PPP1R9A: variants seen among roughly 807,000 people sequenced by gnomAD.
The protein encoded by PPP1R9A is protein phosphatase 1 regulatory subunit 9A, also known as neurabin-1.
A neutral mutation model predicts 141.9 loss-of-function variants in PPP1R9A; 59 were observed. That is an observed-to-expected ratio of 0.42 (90% CI 0.34 to 0.52). The LOEUF (loss-of-function observed/expected upper bound fraction) is 0.52, where lower values mean the gene tolerates loss of function less well. PPP1R9A is among the 20% of genes least tolerant of loss of function. The pLI is 0.10. For missense variants in PPP1R9A, 1,444 were observed against 1,611.9 expected (o/e 0.90, Z 1.78); for synonymous variants, 500 against 569.7 (o/e 0.88, Z 1.74).
chr7:94,956,635 G>C (rs1274475943), intron 2 of PPP1R9A, among the ~76,000 whole-genome samples: 1 of 152,082 alleles, frequency 6.6e-6, no homozygotes, highest in African/African-American at 2.4e-5. Context: ...GCTGGCTTAG[G>C]AGTTGAAGGC....
At chr7:95,192,926 A>G (rs1025532028) in intron 5 of PPP1R9A, among the ~76,000 whole-genome samples, 5 of 152,152 alleles carry the variant, frequency 3.3e-5, no homozygotes, top group African/African-American at 1.2e-4. Context: ...ACACTTAAGA[A>G]CGTATAGGAA....
chr7:95,268,238 CATGCAT>C, intron 12 of PPP1R9A, among the ~76,000 whole-genome samples: 1 of 152,246 alleles, frequency 6.6e-6, no homozygotes, highest in Middle Eastern at 3.4e-3. Flanking sequence ...AACTTCCCAA[CATGCAT>C]ACACATAAAT....
Position 95,286,278 on chromosome 7 carries a change from C to A in PPP1R9A, c.3682C>A (p.Pro1228Thr), listed in dbSNP as rs776058076. 5.0e-6 allele frequency: 8 copies of A among 1,613,698 alleles called. No homozygotes were observed. The highest frequency in any genetic ancestry group is 5.9e-6 in the Non-Finnish European group (7 of 1,179,718). The change falls in exon 18 of 20, where the codon CCT becomes ACT. Residue 1228 changes from proline (P) to threonine (T), a missense_variant. This residue lies in a region of PPP1R9A where 459 missense variants were observed against 513.8 expected (regional missense o/e 0.89). Coordinates refer to ENST00000433360, the MANE Select transcript of PPP1R9A (RefSeq NM_001166160.2). ...SADLSGLGAE[P>T]KTPGLSQSLA... Reference sequence around the variant, plus strand: ...AGACCTCAGCGGCTTAGGAGCAGAACCTAAAACACCAGGGCTCTCTCAGTC... The same window carrying A: ...AGACCTCAGCGGCTTAGGAGCAGAAACTAAAACACCAGGGCTCTCTCAGTC...
chr7:95,194,418 TA>T (rs1835934809), intron 5 of PPP1R9A, among the ~76,000 whole-genome samples: 1 of 152,078 alleles, frequency 6.6e-6, no homozygotes, highest in Non-Finnish European at 1.5e-5. Flanking sequence ...TGAGGATGTC[TA>T]CTCTTACCCC....
At chr7:95,102,136 T>C (rs2152404778) in intron 2 of PPP1R9A, among the ~76,000 whole-genome samples, 1 of 152,260 alleles carries the variant, frequency 6.6e-6, no homozygotes, top group African/African-American at 2.4e-5. Context: ...GATTTAGATA[T>C]GAGAATGAAA....
chr7:95,131,892 A>G (rs1824704472), intron 4 of PPP1R9A, among the ~76,000 whole-genome samples: 1 of 152,102 alleles, frequency 6.6e-6, no homozygotes, highest in African/African-American at 2.4e-5. Flanking sequence ...TTCTTCTTAT[A>G]GATATCTTTC....
intron 9 of PPP1R9A, among the ~76,000 whole-genome samples, chr7:95,249,807 A>G (rs1323891159): frequency 6.6e-6 from 1 of 152,186 alleles, no homozygotes; most frequent in Non-Finnish European, 1.5e-5. Flanking sequence ...ATGTTTTATC[A>G]CTTATCAAAT....
In PPP1R9A at chr7:95,161,874, G is replaced by A; in HGVS notation, c.1657G>A (p.Val553Ile). The A allele has an allele frequency of 6.2e-7, 1 of 1,606,222 alleles. No individual in the cohort carries two copies. Among genetic ancestry groups the A allele is most frequent in the Non-Finnish European group, 8.5e-7 (1 of 1,175,604 alleles). The part of the protein sequence containing the change: ...GAAQRDGRIQ[V>I]NDQIVEVDGI... ...TTTTTCCTCTTTCTAAAGAATACAA[G>A]TCAATGACCAGATTGTGGAAGTGGA... The change falls in exon 5 of 20, where the codon GTC becomes ATC. Residue 553 changes from valine to isoleucine, a missense_variant. Coordinates refer to ENST00000433360, the MANE Select transcript of PPP1R9A (RefSeq NM_001166160.2).
chr7:95,284,758 C>T (rs189519374), intron 17 of PPP1R9A, among the ~76,000 whole-genome samples: 7 of 152,248 alleles, frequency 4.6e-5, no homozygotes, highest in African/African-American at 1.4e-4. Flanking sequence ...AATTCTATCA[C>T]CAAAGTTCTT....
At chr7:95,101,747 C>T (rs1435356236) in intron 2 of PPP1R9A, among the ~76,000 whole-genome samples, 1 of 152,222 alleles carries the variant, frequency 6.6e-6, no homozygotes, top group Non-Finnish European at 1.5e-5. Flanking sequence ...ACATGGATTA[C>T]AGAAGTGAGC....
chr7:94,973,035 GA>G (rs1799033896), intron 2 of PPP1R9A, among the ~76,000 whole-genome samples: 1 of 151,142 alleles, frequency 6.6e-6, no homozygotes, highest in Non-Finnish European at 1.5e-5. Flanking sequence ...TTAAAAACCG[GA>G]AGTAGAAATT....
intron 4 of PPP1R9A, among the ~76,000 whole-genome samples, chr7:95,160,172 A>G (rs1343745857): frequency 6.6e-6 from 1 of 152,104 alleles, no homozygotes; most frequent in African/African-American, 2.4e-5. Flanking sequence ...AAGTATGAAC[A>G]CACACAAAAA....
intron 8 of PPP1R9A, among the ~76,000 whole-genome samples, chr7:95,238,041 A>AT (rs1796951440): frequency 1.3e-5 from 2 of 151,918 alleles, no homozygotes; most frequent in Non-Finnish European, 2.9e-5. Flanking sequence ...GTCTTAGGTT[A>AT]TTTTTTCCTG....
chr7:94,998,642 G>A (rs1218180168), intron 2 of PPP1R9A, among the ~76,000 whole-genome samples: 1 of 152,040 alleles, frequency 6.6e-6, no homozygotes, highest in Non-Finnish European at 1.5e-5. Flanking sequence ...AACAATCTTG[G>A]AATAGTTTAT....
intron 2 of PPP1R9A, among the ~76,000 whole-genome samples, chr7:95,029,148 C>T (rs536068948): frequency 1.3e-5 from 2 of 152,244 alleles, no homozygotes; most frequent in East Asian, 3.9e-4. Flanking sequence ...ACAGAGGCCG[C>T]GTATATTCTT....
At chr7:94,963,400 T>G (rs997828619) in intron 2 of PPP1R9A, among the ~76,000 whole-genome samples, 3 of 152,190 alleles carry the variant, frequency 2.0e-5, no homozygotes, top group African/African-American at 7.2e-5. Context: ...ATTTTTAGTA[T>G]ACTTGCAGAA....
At chr7:95,216,874 C>T (rs935683275) in intron 7 of PPP1R9A, among the ~76,000 whole-genome samples, 14 of 152,116 alleles carry the variant, frequency 9.2e-5, no homozygotes, top group African/African-American at 2.9e-4. Context: ...TGGGCTGAGA[C>T]GATGGGGTTT....
intron 7 of PPP1R9A, among the ~76,000 whole-genome samples, chr7:95,222,847 C>T (rs1794645387): frequency 6.6e-6 from 1 of 151,910 alleles, no homozygotes; most frequent in African/African-American, 2.4e-5. Context: ...CTGACACATT[C>T]CATGTTACTT....
intron 4 of PPP1R9A, among the ~76,000 whole-genome samples, chr7:95,151,148 A>G (rs1424706217): frequency 6.6e-6 from 1 of 152,228 alleles, no homozygotes; most frequent in Non-Finnish European, 1.5e-5. Flanking sequence ...ACCCAGCTGA[A>G]AACTTTTGTC....
Sources: gnomAD v4.1 joint callset for allele counts (sites outside exome capture counted in the v4.1 genomes callset) on GRCh38, gnomAD v4.1.1 for gene constraint, gnomAD v4.1.1 regional missense constraint, MANE v1.5 for transcripts, NCBI Gene and HGNC (gene_info 2026-07-23, HGNC 2026-07-21) for gene names.